CHAT: variants seen among roughly 807,000 people sequenced by gnomAD.
CHAT encodes choline O-acetyltransferase.
Under a neutral mutation model 76.9 loss-of-function variants are expected in CHAT, and 61 were observed. The ratio of observed to expected loss-of-function variants is 0.79; its 90% CI spans 0.65 to 0.98. The LOEUF (loss-of-function observed/expected upper bound fraction) is 0.98, where lower values mean the gene tolerates loss of function less well. Among genes scored for constraint, CHAT ranks in the 50% least tolerant of loss-of-function variants. The pLI, the probability that CHAT is intolerant of heterozygous loss-of-function variation, is 0.00. For missense variants in CHAT, 946 were observed against 986.9 expected, an observed-to-expected ratio of 0.96 and a Z score of 0.56; for synonymous variants, 407 against 397.4, an observed-to-expected ratio of 1.02 and a Z score of -0.29.
rs750447540 is a variant in CHAT, at chr10:49,620,545, G to A, written c.630G>A (p.Leu210=). 6.2e-7 allele frequency: 1 copy of A among 1,613,886 alleles called. No homozygotes were observed. The highest frequency in any genetic ancestry group is 1.1e-5 in the South Asian group (1 of 91,082). Residue 210 remains leucine (L), a synonymous_variant, in exon 4 of 15, where the codon CTG becomes CTA. Coordinates refer to ENST00000337653, the MANE Select transcript of CHAT (RefSeq NM_020549.5). ...TGTATCTCAACAACCGCCTGGCCCTGCCTGTCAACTCCAGCCCTGCCGTGA... is the reference window on the plus strand; with the variant it reads ...TGTATCTCAACAACCGCCTGGCCCTACCTGTCAACTCCAGCCCTGCCGTGA... ...NDMYLNNRLA[L]PVNSSPAVIF...
At chr10:49,639,458 T>C (rs1839404249) in intron 7 of CHAT, among the ~76,000 whole-genome samples, 1 of 73,756 alleles carries the variant, frequency 1.4e-5, no homozygotes, top group Non-Finnish European at 2.8e-5. Context: ...CCTTCTGGTC[T>C]TCATGGTTTC....
Position 49,614,360 on chromosome 10 carries a change from C to A in CHAT, c.171C>A (p.Cys57Ter). 6.5e-7 allele frequency: 1 copy of A among 1,545,248 alleles called. No individual in the cohort carries two copies. Among genetic ancestry groups the A allele is most frequent in the Non-Finnish European group, 8.7e-7 (1 of 1,144,976 alleles). The change falls in exon 1 of 15, where the codon TGC (cysteine) becomes TGA (stop). Residue 57 changes from cysteine to a stop codon, truncating the protein, a stop_gained. Transcript: ENST00000337653. LOFTEE classifies it high-confidence loss of function. ...DVGGPAGNPG[C>*]SPHPRAATRP... is the part of the protein sequence containing the mutation. ...GAGGCCCTGCCGGGAACCCAGGCTG[C>A]AGCCCCCACCCCCGCGCTGCGACAC...
At chr10:49,625,795 C>T (rs2132729225) in intron 6 of CHAT, 142 bp downstream of exon 6, 1 of 836,758 alleles carries the variant, frequency 1.2e-6, no homozygotes, top group South Asian at 1.5e-5. Context: ...CAAAGTGGGG[C>T]CCCTACTTCC....
upstream of CHAT, chr10:49,611,406 C>T (rs1564466201): frequency 6.3e-7 from 1 of 1,598,128 alleles, no homozygotes; most frequent in Non-Finnish European, 8.5e-7. Context: ...CCTTCATTAG[C>T]TTCGGAAGCC....
upstream of CHAT, chr10:49,610,644 C>T: frequency 7.9e-7 from 1 of 1,273,558 alleles, no homozygotes; most frequent in Admixed American, 3.1e-5. Flanking sequence ...TCGGCCAGGA[C>T]AGCCTCCCCG....
intron 7 of CHAT, among the ~76,000 whole-genome samples, chr10:49,645,349 G>C (rs762848792): frequency 6.6e-6 from 1 of 152,158 alleles, no homozygotes; most frequent in South Asian, 2.1e-4. Flanking sequence ...CTGGTGATAC[G>C]CAGCCCTCAC....
chr10:49,618,078 A>C (rs531944416), intron 2 of CHAT, among the ~76,000 whole-genome samples: 1 of 152,326 alleles, frequency 6.6e-6, no homozygotes, highest in African/African-American at 2.4e-5. Flanking sequence ...CCCCTGAAGG[A>C]AGGTGCCTCA....
Position 49,662,624 on chromosome 10 carries a change from TC to T in CHAT, c.1840-20del. On this transcript the variant is annotated intron_variant, in intron 13 of 14. Coordinates refer to ENST00000337653, the MANE Select transcript of CHAT (RefSeq NM_020549.5). ...AGGAGGCCCACTTCTCATCTCCTGT[TC>T]TTTGTCCCCAACTACACAGGCCATA... 1 of 1,613,950 alleles carries T rather than the reference TC, an allele frequency of 6.2e-7. No individual in the cohort carries two copies. Among genetic ancestry groups the T allele is most frequent in the Non-Finnish European group, 8.5e-7 (1 of 1,180,002 alleles).
intron 4 of CHAT, among the ~76,000 whole-genome samples, chr10:49,620,913 A>T (rs1464585678): frequency 6.6e-6 from 1 of 152,202 alleles, no homozygotes; most frequent in African/African-American, 2.4e-5. Context: ...CCCTGGGAGG[A>T]GGCGTGTGTC....
At chr10:49,649,473 C>T (rs760195119) in intron 9 of CHAT, 35 bp from the exon 10 acceptor site, 65 of 1,613,426 alleles carry the variant, frequency 4.0e-5, no homozygotes, top group Admixed American at 1.8e-4. Flanking sequence ...GCTGTCTGGC[C>T]GCAGAGCCTC....
rs1466931533 is a variant in CHAT at position 49,665,871 on chromosome 10, T to C, written c.*825T>C. On this transcript the variant is annotated 3_prime_UTR_variant, in exon 15 of 15. Transcript: ENST00000337653. Reference sequence around the variant, plus strand: ...GGTGCCGGTGGGTTTGCAGAGGACCTGGCCCCTTCCCGGGGTCCTGCCATT... The same window carrying C: ...GGTGCCGGTGGGTTTGCAGAGGACCCGGCCCCTTCCCGGGGTCCTGCCATT... 6.6e-6 allele frequency among the ~76,000 whole-genome samples: 1 copy of C among 152,168 alleles called. No homozygotes were observed. The highest frequency in any genetic ancestry group is 1.5e-5 in the Non-Finnish European group (1 of 68,030).
intron 8 of CHAT, 148 bp from the exon 9 acceptor site, chr10:49,648,357 TCA>T: frequency 1.4e-6 from 1 of 695,106 alleles, no homozygotes; most frequent in Non-Finnish European, 2.6e-6. Flanking sequence ...GCCACTGCAA[TCA>T]CATGCAGTGT....
chr10:49,619,811 G>A lies in CHAT; in HGVS notation c.474G>A (p.Gln158=), dbSNP rs143662656. The A allele has an allele frequency of 1.5e-5, 24 of 1,614,002 alleles. No homozygotes were observed. In the African/African-American group the frequency reaches 3.1e-4, roughly 21 times the overall value. ...TGCGACACTTGGTGTCTGAGGAGCA[G>A]TTCAGGAAGAGCCAGGCCATTGTGC... is the stretch of plus-strand genomic sequence containing the variant. ...QCMRHLVSEE[Q]FRKSQAIVQQ... Residue 158 remains glutamine (Q), a synonymous_variant, in exon 3 of 15, where the codon CAG becomes CAA. Coordinates refer to ENST00000337653, the MANE Select transcript of CHAT (RefSeq NM_020549.5).
At chr10:49,623,826 C>T (rs900802084) in intron 5 of CHAT, among the ~76,000 whole-genome samples, 5 of 152,196 alleles carry the variant, frequency 3.3e-5, no homozygotes, top group African/African-American at 1.2e-4. Flanking sequence ...ACCCATGGTG[C>T]TCAGATGTGG....
At chr10:49,642,855 C>T (rs2132786013) in intron 7 of CHAT, among the ~76,000 whole-genome samples, 1 of 152,368 alleles carries the variant, frequency 6.6e-6, no homozygotes, top group South Asian at 2.1e-4. Flanking sequence ...CCTTCAGGCC[C>T]ATGCCTTTCC....
intron 12 of CHAT, 32 bp downstream of exon 12, chr10:49,655,268 A>C: frequency 6.2e-7 from 1 of 1,614,048 alleles, no homozygotes; most frequent in Non-Finnish European, 8.5e-7. Flanking sequence ...GGCCACAGGA[A>C]ACCAGTGAGG....
intron 13 of CHAT, among the ~76,000 whole-genome samples, chr10:49,657,518 C>T (rs543672682): frequency 4.4e-4 from 67 of 152,240 alleles, no homozygotes; most frequent in African/African-American, 1.3e-3. Context: ...TACTAGCCCC[C>T]CTCCCCAGTG....
intron 4 of CHAT, among the ~76,000 whole-genome samples, chr10:49,621,680 C>T (rs1032636880): frequency 3.3e-5 from 5 of 152,156 alleles, no homozygotes; most frequent in African/African-American, 1.2e-4. Context: ...TCACCCTCCA[C>T]CCCTTCTGGC....
At chr10:49,627,507 G>T in intron 6 of CHAT, 101 bp from the exon 7 acceptor site, 1 of 1,226,562 alleles carries the variant, frequency 8.2e-7, no homozygotes, top group Non-Finnish European at 1.2e-6. Flanking sequence ...GGAACCTTGG[G>T]CCTGAGCATC....
Sources: gnomAD v4.1 joint callset for allele counts (sites outside exome capture counted in the v4.1 genomes callset) on GRCh38, gnomAD v4.1.1 for gene constraint, MANE v1.5 for transcripts, NCBI Gene and HGNC (gene_info 2026-07-23, HGNC 2026-07-21) for gene names.